Variants in SORCS3 observed in about 807,000 individuals in gnomAD.
The protein encoded by SORCS3 is VPS10 domain-containing receptor SorCS3.
Under a neutral mutation model 146.3 loss-of-function variants are expected in SORCS3, and 57 were observed. The ratio of observed to expected loss-of-function variants is 0.39; its 90% CI spans 0.31 to 0.49. SORCS3 has a LOEUF of 0.49. SORCS3 is among the 20% of genes least tolerant of loss of function. The pLI is 0.92. For missense variants in SORCS3, 1,341 were observed against 1,575.5 expected, an observed-to-expected ratio of 0.85 and a Z score of 2.52; for synonymous variants, 653 against 618.5, an observed-to-expected ratio of 1.06 and a Z score of -0.83.
At chr10:104,860,642 T>TA (rs1157699122) in intron 2 of SORCS3, among the ~76,000 whole-genome samples, 1 of 152,144 alleles carries the variant, frequency 6.6e-6, no homozygotes, top group Non-Finnish European at 1.5e-5. Flanking sequence ...TGCTTACACT[T>TA]ACCAAGTACC....
Position 105,164,337 on chromosome 10 carries a change from T to G in SORCS3, c.1767T>G (p.Ile589Met). The part of the protein sequence containing the change: ...NIGPELSYTD[I>M]GVFISSDGGN... ...GCCCGGAGCTCTCATATACTGATAT[T>G]GGTGTGTTCATCTCCTCCGATGGGG... Residue 589 changes from isoleucine (I) to methionine (M), a missense_variant, in exon 12 of 27, where the codon ATT becomes ATG. Coordinates refer to ENST00000369701, the MANE Select transcript of SORCS3 (RefSeq NM_014978.3). 1.2e-6 allele frequency: 2 copies of G among 1,613,758 alleles called. No homozygotes were observed. The highest frequency in any genetic ancestry group is 1.7e-6 in the Non-Finnish European group (2 of 1,179,754).
chr10:105,024,395 A>G (rs577216842), intron 4 of SORCS3, among the ~76,000 whole-genome samples: 68 of 152,126 alleles, frequency 4.5e-4, no homozygotes, highest in Non-Finnish European at 7.8e-4. Flanking sequence ...CATGTTACCA[A>G]CATTGGAGAG....
At chr10:104,980,724 A>G (rs1265212776) in intron 4 of SORCS3, among the ~76,000 whole-genome samples, 1 of 152,186 alleles carries the variant, frequency 6.6e-6, no homozygotes, top group Non-Finnish European at 1.5e-5. Context: ...GTTATGTTGT[A>G]TGTATTACAA....
intron 1 of SORCS3, among the ~76,000 whole-genome samples, chr10:104,783,933 T>C (rs2017403436): frequency 6.6e-6 from 1 of 152,196 alleles, no homozygotes; most frequent in African/African-American, 2.4e-5. Flanking sequence ...TAATCCTAAA[T>C]GCTCTGAGAT....
rs1411819727 is a variant in SORCS3 at position 105,265,190 on chromosome 10, GAC to G, written c.*1818_*1819del. The G allele has an allele frequency of 3.3e-5, 5 of 152,496 alleles. No individual in the cohort carries two copies. The South Asian group carries it at 1.0e-3, about 32-fold the overall frequency. The allele number at this position is 152,496 out of a possible 1,614,324, so 9.4% of individuals were successfully genotyped here. On this transcript the variant is annotated 3_prime_UTR_variant, in exon 27 of 27. Transcript: ENST00000369701. ...TTGAATATTTCTACTGTAAAAAAAA[GAC>G]AGTGGTTTTGAAATTGTTGAAAATA...
chr10:105,208,214 G>A (rs1460602799), intron 16 of SORCS3, among the ~76,000 whole-genome samples: 1 of 152,074 alleles, frequency 6.6e-6, no homozygotes, highest in African/African-American at 2.4e-5. Flanking sequence ...AGTGGTGGGT[G>A]CCTGTAATCC....
At chr10:104,728,676 C>A (rs2016670584) in intron 1 of SORCS3, among the ~76,000 whole-genome samples, 1 of 152,178 alleles carries the variant, frequency 6.6e-6, no homozygotes, top group African/African-American at 2.4e-5. Context: ...AGGATAATTT[C>A]TGTGATGGGG....
At chr10:104,801,116 G>A (rs1252568145) in intron 1 of SORCS3, among the ~76,000 whole-genome samples, 2 of 152,140 alleles carry the variant, frequency 1.3e-5, no homozygotes, top group South Asian at 2.1e-4. Context: ...CAGTCAGATG[G>A]CCTGGGATCA....
intron 3 of SORCS3, among the ~76,000 whole-genome samples, chr10:104,928,695 G>T (rs1318592040): frequency 3.9e-5 from 6 of 152,108 alleles, no homozygotes; most frequent in African/African-American, 1.4e-4. Context: ...AGTGTCCTGG[G>T]ATCCTCGGGT....
At chr10:104,966,166 C>T (rs543903957) in intron 3 of SORCS3, among the ~76,000 whole-genome samples, 16 of 151,918 alleles carry the variant, frequency 1.1e-4, no homozygotes, top group Admixed American at 3.3e-4. Flanking sequence ...CTCTCCCCTG[C>T]CCCCAGCTGT....
intron 19 of SORCS3, among the ~76,000 whole-genome samples, chr10:105,218,228 G>C (rs556058747): frequency 6.6e-6 from 1 of 152,260 alleles, no homozygotes; most frequent in East Asian, 1.9e-4. Flanking sequence ...AAAAATGCCA[G>C]GCTACATGGC....
intron 1 of SORCS3, among the ~76,000 whole-genome samples, chr10:104,682,924 A>C (rs546840771): frequency 6.6e-6 from 1 of 152,236 alleles, no homozygotes; most frequent in South Asian, 2.1e-4. Context: ...AGTCTTGCTC[A>C]GGCCTGGTCC....
Position 105,217,134 on chromosome 10 carries a change from G to C in SORCS3, c.2734+12G>C. 1 of 1,612,486 alleles carries C rather than the reference G, an allele frequency of 6.2e-7. No individual in the cohort carries two copies. Among genetic ancestry groups the C allele is most frequent in the South Asian group, 1.1e-5 (1 of 91,038 alleles). ...CCTGCATGTGGTTTGTAAGTAGGAGGCACCATCCCCGTTTTCCCTTTGTTC... is the reference window on the plus strand; with the variant it reads ...CCTGCATGTGGTTTGTAAGTAGGAGCCACCATCCCCGTTTTCCCTTTGTTC... On this transcript the variant is annotated intron_variant, in intron 19 of 26. Transcript: ENST00000369701.
chr10:104,827,867 C>T (rs750309740), intron 1 of SORCS3, among the ~76,000 whole-genome samples: 15 of 152,254 alleles, frequency 9.9e-5, no homozygotes, highest in Non-Finnish European at 1.5e-4. Flanking sequence ...TCACTTTGTA[C>T]TTGTATGTTA....
At chr10:104,808,927 A>G (rs1424208342) in intron 1 of SORCS3, among the ~76,000 whole-genome samples, 1 of 152,200 alleles carries the variant, frequency 6.6e-6, no homozygotes, top group Non-Finnish European at 1.5e-5. Context: ...ATAGAAGTAA[A>G]TGGATTTGAG....
chr10:105,193,947 C>A (rs1465982358), intron 14 of SORCS3, among the ~76,000 whole-genome samples: 1 of 152,090 alleles, frequency 6.6e-6, no homozygotes, highest in Non-Finnish European at 1.5e-5. Flanking sequence ...GAAGGTGAAT[C>A]TTGAGTGGTT....
At chr10:105,244,434 T>C (rs1395234614) in intron 20 of SORCS3, among the ~76,000 whole-genome samples, 1 of 152,038 alleles carries the variant, frequency 6.6e-6, no homozygotes, top group Non-Finnish European at 1.5e-5. Context: ...AAATACAGCA[T>C]TTGCAGAATG....
intron 5 of SORCS3, among the ~76,000 whole-genome samples, chr10:105,085,176 G>A (rs2055652150): frequency 6.6e-6 from 1 of 152,202 alleles, no homozygotes; most frequent in South Asian, 2.1e-4. Flanking sequence ...TGAATATTCT[G>A]GAATGAGTAG....
intron 13 of SORCS3, among the ~76,000 whole-genome samples, chr10:105,169,128 T>A (rs1471959964): frequency 6.6e-6 from 1 of 152,262 alleles, no homozygotes; most frequent in Admixed American, 6.5e-5. Flanking sequence ...CACCCACTTA[T>A]AATGGCATCA....
Sources: gnomAD v4.1 joint callset for allele counts (sites outside exome capture counted in the v4.1 genomes callset) on GRCh38, gnomAD v4.1.1 for gene constraint, MANE v1.5 for transcripts, NCBI Gene and HGNC (gene_info 2026-07-23, HGNC 2026-07-21) for gene names.